GALK2: variants seen among roughly 807,000 people sequenced by gnomAD.
GALK2 encodes the protein galactokinase 2, also known as N-acetylgalactosamine kinase.
A neutral mutation model predicts 52.4 loss-of-function variants in GALK2; 36 were observed. The ratio of observed to expected loss-of-function variants is 0.69; its 90% CI spans 0.53 to 0.91. The LOEUF (loss-of-function observed/expected upper bound fraction) is 0.91. Ranked by LOEUF, GALK2 falls within the 40% of genes least tolerant of loss-of-function variation. The pLI is 0.00. For missense variants in GALK2, 579 were observed against 559.1 expected (o/e 1.04, Z -0.36); for synonymous variants, 176 against 199.1 (o/e 0.88, Z 0.98).
chr15:49,217,723 A>T (rs1285290747), intron 3 of GALK2, among the ~76,000 whole-genome samples: 2 of 152,152 alleles, frequency 1.3e-5, no homozygotes, highest in Non-Finnish European at 2.9e-5. Flanking sequence ...TACCTGTGTC[A>T]CCCAGTAGAC....
chr15:49,261,820 G>A (rs2092125220), intron 5 of GALK2, among the ~76,000 whole-genome samples: 2 of 152,246 alleles, frequency 1.3e-5, no homozygotes, highest in African/African-American at 4.8e-5. Context: ...CATCTATTGA[G>A]ATAATCATGT....
chr15:49,203,851 A>G (rs1350221966), intron 2 of GALK2, among the ~76,000 whole-genome samples: 1 of 152,204 alleles, frequency 6.6e-6, no homozygotes, highest in African/African-American at 2.4e-5. Context: ...ATGGTGGCTC[A>G]CACTTGCAAT....
At chr15:49,234,723 A>C (rs759407803) in intron 3 of GALK2, among the ~76,000 whole-genome samples, 2 of 152,032 alleles carry the variant, frequency 1.3e-5, no homozygotes, top group African/African-American at 2.4e-5. Context: ...GGGAGCTACA[A>C]TTCAAGATGA....
intron 8 of GALK2, chr15:49,318,954 C>CTTT (rs35217317): frequency 9.4e-4 from 395 of 420,322 alleles, no homozygotes; most frequent in South Asian, 2.3e-3. Context: ...TTCTTTCTTT[C>CTTT]TTTTTTTTTT....
intron 8 of GALK2, among the ~76,000 whole-genome samples, chr15:49,315,755 AAGTCCTGCTGTGAC>A (rs2036354448): frequency 1.3e-5 from 2 of 152,114 alleles, no homozygotes; most frequent in South Asian, 4.1e-4. Flanking sequence ...TCCTATTCAG[AAGTCCTGCTGTGAC>A]ACACTTCCTC....
intron 3 of GALK2, among the ~76,000 whole-genome samples, chr15:49,345,374 G>A (rs2041319256): frequency 1.3e-5 from 2 of 152,182 alleles, no homozygotes; most frequent in Middle Eastern, 3.2e-3. Flanking sequence ...GCTGCATGAT[G>A]TTGGTGTTGA....
Position 49,330,703 on chromosome 15 carries a change from C to T in GALK2, c.*2544C>T, listed in dbSNP as rs1016502334. 2 of 150,802 alleles carry T rather than the reference C, an allele frequency of 1.3e-5. No individual in the cohort carries two copies. The highest frequency in any genetic ancestry group is 2.9e-5 in the Non-Finnish European group (2 of 67,862). The allele number at this position is 150,802 out of a possible 1,614,324, so 9.3% of individuals were successfully genotyped here. ...GTTTTCCTATTCTAATTAGGTATTTCTCTGTGCCCATGTCCCTATCAATAG... is the reference window on the plus strand; with the variant it reads ...GTTTTCCTATTCTAATTAGGTATTTTTCTGTGCCCATGTCCCTATCAATAG... On this transcript the variant is annotated 3_prime_UTR_variant, in exon 10 of 10. Transcript: ENST00000560031.
At chr15:49,319,537 T>A in intron 8 of GALK2, 67 bp from the exon 9 acceptor site, 1 of 1,348,294 alleles carries the variant, frequency 7.4e-7, no homozygotes, top group Non-Finnish European at 1.0e-6. Flanking sequence ...TAAAAGTGTA[T>A]TTTTCTTTAT....
chr15:49,294,183 A>G (rs200731704), intron 8 of GALK2, among the ~76,000 whole-genome samples: 25 of 139,752 alleles, frequency 1.8e-4, no homozygotes, highest in African/African-American at 5.6e-4. Flanking sequence ...AAATAAATAA[A>G]TAAGCAAGCA....
At chr15:49,289,034 G>GA (rs1381537481) in intron 7 of GALK2, among the ~76,000 whole-genome samples, 2 of 152,190 alleles carry the variant, frequency 1.3e-5, no homozygotes, top group African/African-American at 4.8e-5. Context: ...TCAGTTAGGT[G>GA]AAACACTCTT....
chr15:49,178,503 C>A, intron 1 of GALK2: 1 of 285,204 alleles, frequency 3.5e-6, no homozygotes, highest in Non-Finnish European at 6.9e-6. Context: ...TTGCCATAAG[C>A]TGCACCCTTA....
rs371765389 is a variant in GALK2 at position 49,326,280 on chromosome 15, A to AGAT, written c.1170-1670_1170-1668dup. On this transcript the variant is annotated intron_variant, in intron 9 of 9. Transcript: ENST00000560031. The stretch of plus-strand genomic sequence containing the variant: ...ATTTTTTTTTTTTTTTTTTTTTTTG[A>AGAT]GATGGAGTCTCACTGTGTCACGCAG... Among the ~76,000 whole-genome samples the AGAT allele has an allele frequency of 9.5e-3, 496 of 52,108 alleles. 1 individual carries two copies. The highest frequency in any genetic ancestry group is 0.014 in the Non-Finnish European group (386 of 27,356). The allele number at this position is 52,108 out of a possible 152,430, so 34.2% of individuals were successfully genotyped here.
chr15:49,213,755 TCTTC>T (rs2089137169), intron 2 of GALK2, among the ~76,000 whole-genome samples: 1 of 152,162 alleles, frequency 6.6e-6, no homozygotes, highest in African/African-American at 2.4e-5. Context: ...GTTGGTCCTC[TCTTC>T]CTTCCTTCTT....
At chr15:49,239,737 G>C (rs569143603) in intron 5 of GALK2, among the ~76,000 whole-genome samples, 1 of 152,092 alleles carries the variant, frequency 6.6e-6, no homozygotes, top group Non-Finnish European at 1.5e-5. Flanking sequence ...ACAAGTAGTG[G>C]GTTACAAGGG....
intron 5 of GALK2, among the ~76,000 whole-genome samples, chr15:49,259,174 T>A (rs1480085653): frequency 1.3e-5 from 2 of 151,536 alleles, no homozygotes; most frequent in African/African-American, 4.9e-5. Context: ...AAGTGAGTAG[T>A]TCCATTATTT....
intron 3 of GALK2, among the ~76,000 whole-genome samples, chr15:49,351,652 A>C (rs1191597487): frequency 6.6e-6 from 1 of 152,172 alleles, no homozygotes; most frequent in African/African-American, 2.4e-5. Flanking sequence ...GGCTTATTTG[A>C]GTGCTCTTGG....
intron 8 of GALK2, among the ~76,000 whole-genome samples, chr15:49,307,293 G>T (rs1446360672): frequency 1.5e-4 from 23 of 152,124 alleles, no homozygotes; most frequent in Non-Finnish European, 1.2e-4. Context: ...TACCATTTGG[G>T]GGACTGTTGA....
intron 1 of GALK2, among the ~76,000 whole-genome samples, chr15:49,160,631 G>T (rs745832150): frequency 6.6e-6 from 1 of 152,088 alleles, no homozygotes; most frequent in African/African-American, 2.4e-5. Context: ...TTGGGAGGCC[G>T]AGGTGGGTGG....
chr15:49,187,467 A>C (rs2086440042), intron 1 of GALK2, among the ~76,000 whole-genome samples: 1 of 152,126 alleles, frequency 6.6e-6, no homozygotes, highest in Non-Finnish European at 1.5e-5. Flanking sequence ...CTCAAGGCCC[A>C]AGCAGGTGGC....
Sources: allele counts gnomAD v4.1 joint callset (sites outside exome capture counted in the v4.1 genomes callset), GRCh38; gene constraint gnomAD v4.1.1; transcripts MANE v1.5; gene names NCBI Gene and HGNC (gene_info 2026-07-23, HGNC 2026-07-21).